The following TRMT10A variants were observed in gnomAD, a reference collection of about 807,000 sequenced individuals.
TRMT10A encodes tRNA methyltransferase 10 homolog A.
Under a neutral mutation model 40.4 loss-of-function variants are expected in TRMT10A, and 37 were observed. The observed-to-expected ratio is 0.92, with a 90% CI of 0.71 to 1.21. The LOEUF (loss-of-function observed/expected upper bound fraction) is 1.21, where lower values mean the gene tolerates loss of function less well. Ranked by LOEUF, TRMT10A falls within the 50% of genes most tolerant of loss-of-function variation. The probability of loss-of-function intolerance (pLI) is 0.00; values close to 1 mark genes in which losing one functional copy is unlikely to be tolerated. For synonymous variants in TRMT10A, 103 were observed against 134.1 expected, an observed-to-expected ratio of 0.77 and a Z score of 1.60; for missense variants, 388 against 404.3, an observed-to-expected ratio of 0.96 and a Z score of 0.35.
chr4:99,560,213 G>T (rs1321941741), intron 1 of TRMT10A, among the ~76,000 whole-genome samples: 2 of 152,092 alleles, frequency 1.3e-5, no homozygotes, highest in African/African-American at 4.8e-5. Flanking sequence ...AAATTTGGCT[G>T]AAATATTTCA....
intron 1 of TRMT10A, among the ~76,000 whole-genome samples, chr4:99,561,463 A>T (rs9997840): frequency 0.26 from 39,791 of 152,056 alleles, 5,373 homozygotes; most frequent in South Asian, 0.35. Context: ...TCATCTTTTT[A>T]AAAACTATTC....
intron 1 of TRMT10A, 119 bp downstream of exon 1, chr4:99,563,794 A>C: frequency 1.7e-6 from 1 of 573,578 alleles, no homozygotes; most frequent in South Asian, 1.6e-5. Flanking sequence ...CTTCCACACC[A>C]CTGCTCCCCT....
intron 3 of TRMT10A, chr4:99,557,634 G>A (rs1724216919): frequency 2.2e-6 from 1 of 452,686 alleles, no homozygotes; most frequent in Non-Finnish European, 3.9e-6. Flanking sequence ...TTCATATTTT[G>A]TATTTATTTA....
chr4:99,559,086 G>A (rs1057373459), intron 2 of TRMT10A, 68 bp downstream of exon 2: 30 of 1,391,090 alleles, frequency 2.2e-5, no homozygotes, highest in Non-Finnish European at 2.7e-5. Context: ...TATGCCAAAG[G>A]GCTATGCAAG....
At chr4:99,550,147 T>C (rs1051736729) in intron 7 of TRMT10A, among the ~76,000 whole-genome samples, 4 of 152,174 alleles carry the variant, frequency 2.6e-5, no homozygotes, top group Non-Finnish European at 5.9e-5. Context: ...GGTTAAATAA[T>C]TGTATATTCA....
rs532448105 is a variant in TRMT10A, at chr4:99,554,722, CAAAAAA to C, written c.496-794_496-789del. Among the ~76,000 whole-genome samples, 4 of 90,884 alleles carry C rather than the reference CAAAAAA, an allele frequency of 4.4e-5. No homozygotes were observed. In the East Asian group the frequency reaches 8.6e-4, roughly 20 times the overall value. The allele number at this position is 90,884 out of a possible 152,430, so 59.6% of individuals were successfully genotyped here. On this transcript the variant is annotated intron_variant, in intron 5 of 7. Transcript: ENST00000394876. ...GGTGACAGTGCAAGCGACTACGTTT[CAAAAAA>C]AAAAAAAAAAAAAGAAAGAAAAAAA...
chr4:99,563,655 C>A (rs1724557312), intron 1 of TRMT10A: 2 of 334,026 alleles, frequency 6.0e-6, no homozygotes, highest in Non-Finnish European at 5.9e-6. Context: ...CTTCTAGGCT[C>A]CCAGCCAGCA....
At position 99,551,017 on chromosome 4, in the gene TRMT10A, C is replaced by A; in HGVS notation, c.646-27G>T. ...TAAAACAAAGACACTATGACTTCGA[C>A]AAGAACATTAAATTATTTAAAGTTT... On this transcript the variant is annotated intron_variant, in intron 6 of 7. Coordinates refer to ENST00000394876, the MANE Select transcript of TRMT10A (RefSeq NM_001134665.3). 1 of 1,471,894 alleles carries A rather than the reference C, an allele frequency of 6.8e-7. No homozygotes were observed. Among genetic ancestry groups the A allele is most frequent in the Non-Finnish European group, 9.3e-7 (1 of 1,070,416 alleles). 91.2% of individuals were successfully genotyped at this position (1,471,894 alleles called of 1,614,324 possible). A position where few individuals can be genotyped will look rare whatever the true frequency, so the allele number is the denominator to read the frequency against.
rs770496768 is a variant in TRMT10A at position 99,559,232 on chromosome 4, C to T, written c.107G>A (p.Gly36Glu). 1.2e-6 allele frequency: 2 copies of T among 1,613,338 alleles called. No homozygotes were observed. The highest frequency in any genetic ancestry group is 2.2e-5 in the South Asian group (2 of 91,058). Residue 36 changes from glycine to glutamate, a missense_variant, in exon 2 of 8, where the codon GGG becomes GAG. By Grantham distance (98) the Gly-to-Glu change is moderately conservative. Transcript: ENST00000394876. The part of the protein sequence containing the change: ...EESQKPRLGE[G>E]CEPISKRQMK... ...TTGTCGTTTAGATATTGGTTCACACCCTTCACCTAATCTTGGCTTCTGGCT... is the reference window on the plus strand; with the variant it reads ...TTGTCGTTTAGATATTGGTTCACACTCTTCACCTAATCTTGGCTTCTGGCT...
At position 99,563,951 on chromosome 4, in the gene TRMT10A, G is replaced by A; in HGVS notation, c.-62C>T. On this transcript the variant is annotated 5_prime_UTR_variant, in exon 1 of 8. Transcript: ENST00000394876. ...TGACAGGGAAGTGAAATCTCAGAAA[G>A]AAAGCCTTTCTGGGTTGGCCTGGTT... is the stretch of plus-strand genomic sequence containing the variant. 2.0e-6 allele frequency: 2 copies of A among 1,001,282 alleles called. No individual in the cohort carries two copies. The highest frequency in any genetic ancestry group is 2.6e-5 in the East Asian group (1 of 38,518). The allele number at this position is 1,001,282 out of a possible 1,614,324, so 62.0% of individuals were successfully genotyped here.
intron 7 of TRMT10A, among the ~76,000 whole-genome samples, chr4:99,550,617 T>C (rs1208048497): frequency 6.6e-6 from 1 of 152,090 alleles, no homozygotes; most frequent in Admixed American, 6.6e-5. Context: ...ATAATATATA[T>C]ACATAGGAAA....
chr4:99,556,110 C>G (rs372960987), intron 5 of TRMT10A, 36 bp downstream of exon 5: 280 of 1,582,694 alleles, frequency 1.8e-4, no homozygotes, highest in Non-Finnish European at 1.9e-4. Flanking sequence ...CATAAAAATA[C>G]TTGGAATTAT....
At chr4:99,561,280 T>TA (rs1724381708) in intron 1 of TRMT10A, among the ~76,000 whole-genome samples, 1 of 152,060 alleles carries the variant, frequency 6.6e-6, no homozygotes, top group Non-Finnish European at 1.5e-5. Flanking sequence ...GAAGACTTTT[T>TA]AAAGAGCAAT....
At position 99,558,158 on chromosome 4, in the gene TRMT10A, A is replaced by G; in HGVS notation, c.239T>C (p.Met80Thr). The G allele has an allele frequency of 6.2e-7, 1 of 1,607,380 alleles. No individual in the cohort carries two copies. The highest frequency in any genetic ancestry group is 8.5e-7 in the Non-Finnish European group (1 of 1,178,204). ...GTCATGTCCATCTGAGTTTGGTTCCATTTGACATTGTCGCTCTAATTTTTT... is the reference window on the plus strand; with the variant it reads ...GTCATGTCCATCTGAGTTTGGTTCCGTTTGACATTGTCGCTCTAATTTTTT... The part of the protein sequence containing the change: ...KRKKLERQCQ[M>T]EPNSDGHDRK... Residue 80 changes from methionine to threonine, a missense_variant, in exon 3 of 8, where the codon ATG becomes ACG. By Grantham distance (81) the Met-to-Thr change is moderately conservative. Transcript: ENST00000394876.
chr4:99,552,300 A>C (rs1421531713), intron 6 of TRMT10A, among the ~76,000 whole-genome samples: 1 of 152,152 alleles, frequency 6.6e-6, no homozygotes, highest in African/African-American at 2.4e-5. Flanking sequence ...TGCCCTATAC[A>C]TGTATACCAC....
At chr4:99,557,886 T>G in intron 3 of TRMT10A, 163 bp downstream of exon 3, 1 of 619,944 alleles carries the variant, frequency 1.6e-6, no homozygotes, top group Non-Finnish European at 2.7e-6. Flanking sequence ...ACATATTTAT[T>G]ATATCAATGC....
At chr4:99,562,947 C>A (rs934248411) in intron 1 of TRMT10A, among the ~76,000 whole-genome samples, 1 of 151,776 alleles carries the variant, frequency 6.6e-6, no homozygotes, top group East Asian at 1.9e-4. Flanking sequence ...TCAGCCCCCC[C>A]AGTAGCTGGG....
At chr4:99,550,159 A>G (rs1435309030) in intron 7 of TRMT10A, among the ~76,000 whole-genome samples, 5 of 152,186 alleles carry the variant, frequency 3.3e-5, no homozygotes, top group Non-Finnish European at 5.9e-5. Flanking sequence ...GTATATTCAA[A>G]TGATGGACTA....
intron 6 of TRMT10A, among the ~76,000 whole-genome samples, chr4:99,552,465 A>G (rs1254850271): frequency 2.0e-5 from 3 of 152,158 alleles, no homozygotes; most frequent in Non-Finnish European, 2.9e-5. Context: ...CATACAGCCT[A>G]TGTGTAGTAG....
Sources: allele counts gnomAD v4.1 joint callset (sites outside exome capture counted in the v4.1 genomes callset), GRCh38; gene constraint gnomAD v4.1.1; transcripts MANE v1.5; gene names NCBI Gene and HGNC (gene_info 2026-07-23, HGNC 2026-07-21).